Variants in APBB1IP observed in about 807,000 individuals in gnomAD.
APBB1IP encodes the protein amyloid beta A4 precursor protein-binding family B member 1-interacting protein.
A neutral mutation model predicts 64.9 loss-of-function variants in APBB1IP; 27 were observed. That is an observed-to-expected ratio of 0.42 (90% CI 0.31 to 0.57). The LOEUF (loss-of-function observed/expected upper bound fraction) is 0.57, where lower values mean the gene tolerates loss of function less well. Ranked by LOEUF, APBB1IP falls within the 20% of genes least tolerant of loss-of-function variation. The pLI, the probability that APBB1IP is intolerant of heterozygous loss-of-function variation, is 0.20. For missense variants in APBB1IP, 812 were observed against 845.5 expected, an observed-to-expected ratio of 0.96 and a Z score of 0.49; for synonymous variants, 392 against 331.0, an observed-to-expected ratio of 1.18 and a Z score of -2.00.
chr10:26,536,066 A>G lies in APBB1IP; in HGVS notation c.901-8A>G. On this transcript the variant is annotated splice_polypyrimidine_tract_variant and splice_region_variant and intron_variant, in intron 9 of 14. Coordinates refer to ENST00000376236, the MANE Select transcript of APBB1IP (RefSeq NM_019043.4). The stretch of plus-strand genomic sequence containing the variant: ...GTGTGTCTTATGTCGTCGGAATCTC[A>G]CTTTCAGGAAAGTTTCTGTGGAACA... 1 of 1,579,272 alleles carries G rather than the reference A, an allele frequency of 6.3e-7. No homozygotes were observed. Among genetic ancestry groups the G allele is most frequent in the Non-Finnish European group, 8.6e-7 (1 of 1,168,556 alleles).
At chr10:26,476,545 G>T (rs786871) in intron 2 of APBB1IP, among the ~76,000 whole-genome samples, 120,482 of 151,604 alleles carry the variant, frequency 0.79, 48,449 homozygotes, top group African/African-American at 0.91. Context: ...GTAATGGACA[G>T]GCATGTACCC....
At chr10:26,472,675 A>G (rs1049943224) in intron 2 of APBB1IP, among the ~76,000 whole-genome samples, 1 of 152,136 alleles carries the variant, frequency 6.6e-6, no homozygotes, top group Non-Finnish European at 1.5e-5. Flanking sequence ...TCAAGATCAC[A>G]TGTATAATCC....
intron 10 of APBB1IP, among the ~76,000 whole-genome samples, chr10:26,540,390 C>T (rs543942070): frequency 6.6e-6 from 1 of 152,014 alleles, no homozygotes; most frequent in African/African-American, 2.4e-5. Context: ...GCCTGGGCAA[C>T]GTCATGGGAT....
intron 4 of APBB1IP, 86 bp from the exon 5 acceptor site, chr10:26,500,733 C>A: frequency 1.5e-6 from 2 of 1,307,796 alleles, no homozygotes; most frequent in South Asian, 1.4e-5. Flanking sequence ...CCTTTCTACT[C>A]AAATATTATG....
chr10:26,559,388 A>T (rs1266959224), intron 11 of APBB1IP, among the ~76,000 whole-genome samples: 1 of 148,438 alleles, frequency 6.7e-6, no homozygotes, highest in Non-Finnish European at 1.5e-5. Context: ...ATATAGTGAG[A>T]CTCCAATTCT....
chr10:26,533,456 C>G lies in APBB1IP; in HGVS notation c.831C>G (p.Asn277Lys). 1.3e-6 allele frequency: 2 copies of G among 1,595,818 alleles called. No individual in the cohort carries two copies. The highest frequency in any genetic ancestry group is 1.7e-6 in the Non-Finnish European group (2 of 1,169,440). ...FKNPQNFYLDNRGKKESKETN... is the reference protein window; with the variant it reads ...FKNPQNFYLDKRGKKESKETN... ...TTATTTAGAATTTCTACTTGGATAA[C>G]AGAGGAAAAAAAGAAAGCAAGGAAA... Residue 277 changes from asparagine (N) to lysine (K), a missense_variant, in exon 9 of 15, where the codon AAC (asparagine) becomes AAG (lysine). This residue lies in a region of APBB1IP where 394 missense variants were observed against 413.1 expected (regional missense o/e 0.95). Coordinates refer to ENST00000376236, the MANE Select transcript of APBB1IP (RefSeq NM_019043.4).
chr10:26,555,495 C>T (rs1202868638), intron 11 of APBB1IP, among the ~76,000 whole-genome samples: 1 of 152,216 alleles, frequency 6.6e-6, no homozygotes, highest in Non-Finnish European at 1.5e-5. Context: ...AATCACATTA[C>T]ATATGTGATT....
intron 8 of APBB1IP, among the ~76,000 whole-genome samples, chr10:26,525,168 G>C (rs2132456481): frequency 6.6e-6 from 1 of 151,676 alleles, no homozygotes. Flanking sequence ...TGTAGTCCCA[G>C]CCACTCAAGA....
intron 2 of APBB1IP, among the ~76,000 whole-genome samples, chr10:26,444,691 A>G (rs1024715401): frequency 6.6e-6 from 1 of 152,218 alleles, no homozygotes; most frequent in Non-Finnish European, 1.5e-5. Flanking sequence ...CTTATTATAT[A>G]TAAGGCTAAA....
rs1478150736 is a variant in APBB1IP, at chr10:26,500,990, G to A, written c.332G>A (p.Gly111Asp). The A allele has an allele frequency of 1.2e-6, 2 of 1,614,120 alleles. No homozygotes were observed. The highest frequency in any genetic ancestry group is 3.3e-5 in the Admixed American group (2 of 60,004). ...ASIFSGAASL[G>D]YGTNVAATGI... The stretch of plus-strand genomic sequence containing the variant: ...ATTTTCAGTGGTGCAGCCTCTCTTG[G>A]TTATGGAACAAATGTTGCTGCCACT... The change falls in exon 5 of 15, where the codon GGT becomes GAT. Residue 111 changes from glycine to aspartate, a missense_variant. Transcript: ENST00000376236.
intron 11 of APBB1IP, among the ~76,000 whole-genome samples, chr10:26,556,132 G>C (rs1288366598): frequency 6.6e-6 from 1 of 152,182 alleles, no homozygotes; most frequent in African/African-American, 2.4e-5. Context: ...TCCCAAGAGA[G>C]CTTCTCTCTC....
At chr10:26,558,436 G>A (rs762432007) in intron 11 of APBB1IP, among the ~76,000 whole-genome samples, 7 of 152,112 alleles carry the variant, frequency 4.6e-5, no homozygotes, top group Non-Finnish European at 8.8e-5. Context: ...GAATAAGACA[G>A]ATGTAGTTCC....
intron 7 of APBB1IP, among the ~76,000 whole-genome samples, chr10:26,512,121 C>T (rs951668337): frequency 6.6e-6 from 1 of 152,194 alleles, no homozygotes; most frequent in Non-Finnish European, 1.5e-5. Context: ...TGAGCCACTG[C>T]GCCTGGCCTG....
intron 2 of APBB1IP, among the ~76,000 whole-genome samples, chr10:26,456,986 G>T (rs992812005): frequency 6.6e-5 from 10 of 152,144 alleles, no homozygotes; most frequent in Non-Finnish European, 1.3e-4. Flanking sequence ...CAGAATAGGT[G>T]ATGCTTCTGA....
At position 26,445,473 on chromosome 10, in the gene APBB1IP, A is replaced by G. The variant is rs185247325; in HGVS notation, c.-1+6620A>G. On this transcript the variant is annotated intron_variant, in intron 2 of 14. Coordinates refer to ENST00000376236, the MANE Select transcript of APBB1IP (RefSeq NM_019043.4). Reference sequence around the variant, plus strand: ...GCTGTGTTGCCCAGGCTGGTCTCAAACTCCTGGGCTCAAGTATCCTCCCGC... The same window carrying G: ...GCTGTGTTGCCCAGGCTGGTCTCAAGCTCCTGGGCTCAAGTATCCTCCCGC... 2.2e-4 allele frequency among the ~76,000 whole-genome samples: 29 copies of G among 134,666 alleles called. No individual in the cohort carries two copies. The East Asian group carries it at 4.6e-3, about 21-fold the overall frequency. The allele number at this position is 134,666 out of a possible 152,430, so 88.3% of individuals were successfully genotyped here. A position where few individuals can be genotyped will look rare whatever the true frequency, so the allele number is the denominator to read the frequency against.
At chr10:26,524,117 C>T (rs1836440267) in intron 8 of APBB1IP, among the ~76,000 whole-genome samples, 1 of 152,074 alleles carries the variant, frequency 6.6e-6, no homozygotes, top group African/African-American at 2.4e-5. Flanking sequence ...TTCTCCCACC[C>T]TCCTTTCTCC....
At chr10:26,481,091 T>C (rs1311605696) in intron 2 of APBB1IP, among the ~76,000 whole-genome samples, 10 of 152,064 alleles carry the variant, frequency 6.6e-5, no homozygotes, top group Admixed American at 4.6e-4. Flanking sequence ...GAACTTAAAA[T>C]AATCTAGAGA....
chr10:26,470,493 C>T lies in APBB1IP; in HGVS notation c.1-21834C>T, dbSNP rs138890496. 1.2e-3 allele frequency among the ~76,000 whole-genome samples: 182 copies of T among 152,220 alleles called. No individual in the cohort carries two copies. In the East Asian group the frequency reaches 0.013, roughly 11 times the overall value. Reference sequence around the variant, plus strand: ...AGAAGAGGTTGCAGTGAGCCAAGATCGTGCCACTGTACTCCAGCCTAGGCG... The same window carrying T: ...AGAAGAGGTTGCAGTGAGCCAAGATTGTGCCACTGTACTCCAGCCTAGGCG... On this transcript the variant is annotated intron_variant, in intron 2 of 14. Transcript: ENST00000376236.
chr10:26,501,180 T>C (rs787039), intron 5 of APBB1IP, 69 bp downstream of exon 5: 28,634 of 1,590,582 alleles, frequency 0.018, 555 homozygotes, highest in East Asian at 0.1. Context: ...TTCCTTGAAG[T>C]GATCATTACA....
Sources: gnomAD v4.1 joint callset for allele counts (sites outside exome capture counted in the v4.1 genomes callset) on GRCh38, gnomAD v4.1.1 for gene constraint, gnomAD v4.1.1 regional missense constraint, MANE v1.5 for transcripts, NCBI Gene and HGNC (gene_info 2026-07-23, HGNC 2026-07-21) for gene names.